MARCHF1: variants seen among roughly 807,000 people sequenced by gnomAD.
The protein encoded by MARCHF1 is membrane associated ring-CH-type finger 1.
A neutral mutation model predicts 54.2 loss-of-function variants in MARCHF1; 40 were observed. That is an observed-to-expected ratio of 0.74 (90% CI 0.57 to 0.96). MARCHF1 has a LOEUF of 0.96. Among genes scored for constraint, MARCHF1 ranks in the 40% least tolerant of loss-of-function variants. The pLI is 0.00. For missense variants in MARCHF1, 586 were observed against 656.5 expected, an observed-to-expected ratio of 0.89 and a Z score of 1.17; for synonymous variants, 236 against 236.3, an observed-to-expected ratio of 1.00 and a Z score of 0.01.
intron 1 of MARCHF1, among the ~76,000 whole-genome samples, chr4:164,140,765 C>T (rs1421056948): frequency 2.1e-5 from 3 of 144,748 alleles, no homozygotes; most frequent in Non-Finnish European, 3.2e-5. Context: ...CACATACATA[C>T]ATACATACAC....
intron 4 of MARCHF1, among the ~76,000 whole-genome samples, chr4:163,742,055 T>G (rs1216880750): frequency 6.6e-6 from 1 of 152,218 alleles, no homozygotes; most frequent in Admixed American, 6.5e-5. Context: ...CAGTAGCATA[T>G]GCATTTTTAA....
intron 4 of MARCHF1, among the ~76,000 whole-genome samples, chr4:163,742,427 C>T (rs1746231383): frequency 7.2e-6 from 1 of 138,122 alleles, no homozygotes; most frequent in Non-Finnish European, 1.6e-5. Context: ...TCCTTCCTTC[C>T]TTCCTTTTCT....
chr4:163,993,224 T>C (rs187298323), intron 2 of MARCHF1, among the ~76,000 whole-genome samples: 8 of 152,100 alleles, frequency 5.3e-5, no homozygotes, highest in Non-Finnish European at 1.0e-4. Flanking sequence ...TAATTAACAT[T>C]TCTGGTTATG....
At chr4:163,741,646 A>G (rs562175529) in intron 4 of MARCHF1, among the ~76,000 whole-genome samples, 6 of 152,250 alleles carry the variant, frequency 3.9e-5, no homozygotes, top group African/African-American at 1.2e-4. Flanking sequence ...TGTTTGCCCA[A>G]GATCACAAAG....
Position 163,848,425 on chromosome 4 carries a change from A to G in MARCHF1, c.111+5596T>C, listed in dbSNP as rs62347948. 8.6e-3 allele frequency among the ~76,000 whole-genome samples: 1,312 copies of G among 152,308 alleles called. 10 individuals are homozygous for G. Among genetic ancestry groups the G allele is most frequent in the South Asian group, 0.016 (78 of 4,826 alleles). On this transcript the variant is annotated intron_variant, in intron 4 of 9. Coordinates refer to ENST00000514618, the MANE Select transcript of MARCHF1 (RefSeq NM_001394959.1). ...TGATTATAGGAGTGTAATTTTCTCT[A>G]GAGTCATTGCTGATCATCTAAAATG...
In MARCHF1 at chr4:164,350,786, C is replaced by A. The variant is rs371360448; in HGVS notation, c.-323+33084G>T. ...CAAGATGGCCGAATAGGAACAGCTC[C>A]GGTCTACAGCTCCCAGCGTGAGCGA... On this transcript the variant is annotated intron_variant, in intron 1 of 9. Transcript: ENST00000514618. Among the ~76,000 whole-genome samples the A allele has an allele frequency of 2.8e-4, 43 of 152,274 alleles. 4 individuals carry two copies. In the East Asian group the frequency reaches 3.9e-3, roughly 14 times the overall value.
intron 7 of MARCHF1, among the ~76,000 whole-genome samples, chr4:163,595,058 A>G (rs1215109995): frequency 6.6e-6 from 1 of 151,582 alleles, no homozygotes; most frequent in Non-Finnish European, 1.5e-5. Context: ...ATGTCCATCA[A>G]CTTATCAATA....
intron 4 of MARCHF1, among the ~76,000 whole-genome samples, chr4:163,838,619 A>G (rs978274821): frequency 1.3e-5 from 2 of 152,134 alleles, no homozygotes; most frequent in Non-Finnish European, 2.9e-5. Flanking sequence ...ACTAAATTAA[A>G]AACAAATGTA....
At chr4:164,337,786 G>A (rs1264574082) in intron 1 of MARCHF1, among the ~76,000 whole-genome samples, 1 of 152,156 alleles carries the variant, frequency 6.6e-6, no homozygotes, top group Non-Finnish European at 1.5e-5. Flanking sequence ...GTGGAATCAG[G>A]AGAAGGCATA....
intron 4 of MARCHF1, among the ~76,000 whole-genome samples, chr4:163,804,302 C>G (rs1748165810): frequency 6.6e-6 from 1 of 152,164 alleles, no homozygotes; most frequent in Non-Finnish European, 1.5e-5. Flanking sequence ...GAGCCACAGC[C>G]AATTTCCTAC....
chr4:163,598,804 T>C (rs1300096156), intron 7 of MARCHF1, among the ~76,000 whole-genome samples: 3 of 152,210 alleles, frequency 2.0e-5, no homozygotes, highest in Admixed American at 6.5e-5. Context: ...ATACACTCAA[T>C]TTATAAAAAA....
At chr4:163,661,001 C>A (rs752867266) in intron 5 of MARCHF1, among the ~76,000 whole-genome samples, 1 of 151,938 alleles carries the variant, frequency 6.6e-6, no homozygotes, top group Non-Finnish European at 1.5e-5. Context: ...ACTTTGTATT[C>A]CTAAAAATTT....
intron 3 of MARCHF1, among the ~76,000 whole-genome samples, chr4:163,857,820 G>T (rs1430260821): frequency 6.6e-6 from 1 of 151,970 alleles, no homozygotes; most frequent in East Asian, 1.9e-4. Context: ...GCAACCTTTG[G>T]TACAGAGAGA....
intron 2 of MARCHF1, among the ~76,000 whole-genome samples, chr4:164,013,604 G>A (rs1753473098): frequency 6.6e-6 from 1 of 151,996 alleles, no homozygotes; most frequent in Admixed American, 6.6e-5. Flanking sequence ...AACTCTCAAA[G>A]GTCAAGGATA....
intron 3 of MARCHF1, among the ~76,000 whole-genome samples, chr4:163,904,140 TG>T (rs1207773862): frequency 6.6e-6 from 1 of 152,202 alleles, no homozygotes; most frequent in Admixed American, 6.6e-5. Context: ...TAATATTTTC[TG>T]TCTAAAATTA....
chr4:164,204,901 C>A (rs1369086420), intron 1 of MARCHF1, among the ~76,000 whole-genome samples: 1 of 152,086 alleles, frequency 6.6e-6, no homozygotes, highest in African/African-American at 2.4e-5. Context: ...AATTCTCTTG[C>A]CATTTCAGCA....
chr4:163,936,082 C>T (rs1751788744), intron 3 of MARCHF1, among the ~76,000 whole-genome samples: 2 of 152,038 alleles, frequency 1.3e-5, no homozygotes, highest in South Asian at 2.1e-4. Flanking sequence ...TAGGAAGGTC[C>T]GAGGACAGGG....
At chr4:164,058,363 T>A (rs1288211324) in intron 2 of MARCHF1, among the ~76,000 whole-genome samples, 1 of 152,174 alleles carries the variant, frequency 6.6e-6, no homozygotes, top group Admixed American at 6.5e-5. Flanking sequence ...TCAAATTTGA[T>A]ACCATTACTT....
At chr4:164,299,682 C>T (rs1734500278) in intron 1 of MARCHF1, among the ~76,000 whole-genome samples, 1 of 152,084 alleles carries the variant, frequency 6.6e-6, no homozygotes, top group South Asian at 2.1e-4. Flanking sequence ...ATTGTTTCAA[C>T]CTATGTTCCA....
Sources: gnomAD v4.1 joint callset for allele counts (sites outside exome capture counted in the v4.1 genomes callset) on GRCh38, gnomAD v4.1.1 for gene constraint, MANE v1.5 for transcripts, NCBI Gene and HGNC (gene_info 2026-07-23, HGNC 2026-07-21) for gene names.